Variants in CNTN6 observed in about 807,000 individuals in gnomAD.
The protein encoded by CNTN6 is contactin 6.
A neutral mutation model predicts 122.8 loss-of-function variants in CNTN6; 137 were observed. The ratio of observed to expected loss-of-function variants is 1.12; its 90% CI spans 0.97 to 1.29. The LOEUF is 1.29. CNTN6 is among the 50% of genes most tolerant of loss of function. The pLI is 0.00. For synonymous variants in CNTN6, 570 were observed against 426.0 expected, an observed-to-expected ratio of 1.34 and a Z score of -4.16; for missense variants, 1,634 against 1,223.4, an observed-to-expected ratio of 1.34 and a Z score of -5.01.
intron 2 of CNTN6, among the ~76,000 whole-genome samples, chr3:1,200,206 G>T (rs1476632367): frequency 6.6e-6 from 1 of 152,128 alleles, no homozygotes; most frequent in Non-Finnish European, 1.5e-5. Context: ...GCTAATTTTT[G>T]TACCGTTAGT....
intron 20 of CNTN6, among the ~76,000 whole-genome samples, chr3:1,386,128 C>G (rs572634866): frequency 6.6e-6 from 1 of 152,222 alleles, no homozygotes; most frequent in South Asian, 2.1e-4. Context: ...TGGTATTTAT[C>G]TTTGAGTCTC....
At chr3:1,376,946 T>G in intron 16 of CNTN6, 59 bp from the exon 17 acceptor site, 3 of 1,168,610 alleles carry the variant, frequency 2.6e-6, no homozygotes, top group Non-Finnish European at 2.5e-6. Context: ...AACAAAATTC[T>G]TCCTGATGAA....
Position 1,220,697 on chromosome 3 carries a change from T to C in CNTN6, c.66T>C (p.Leu22=), listed in dbSNP as rs748420596. 6.2e-7 allele frequency: 1 copy of C among 1,610,148 alleles called. No homozygotes were observed. The change falls in exon 3 of 23, where the codon CTT becomes CTC. Residue 22 remains leucine (L), a synonymous_variant. Transcript: ENST00000446702. The part of the protein sequence containing the change: ...PLINSSAGDG[L]LSRPIFTQEP... ...CTTTTCTTTTCCCAGGTGATGGTCTTTTAAGCCGTCCTATTTTTACTCAGG... is the reference window on the plus strand; with the variant it reads ...CTTTTCTTTTCCCAGGTGATGGTCTCTTAAGCCGTCCTATTTTTACTCAGG...
intron 11 of CNTN6, among the ~76,000 whole-genome samples, chr3:1,348,642 ACT>A (rs1211526109): frequency 1.3e-5 from 2 of 151,992 alleles, no homozygotes; most frequent in African/African-American, 4.8e-5. Context: ...GCTTTTAGTA[ACT>A]CTGCTATTAG....
intron 1 of CNTN6, among the ~76,000 whole-genome samples, chr3:1,119,485 T>G (rs2091870214): frequency 6.6e-6 from 1 of 151,938 alleles, no homozygotes; most frequent in South Asian, 2.1e-4. Context: ...CTGAGTTGTC[T>G]TATTGCCAGG....
chr3:1,397,062 T>A (rs1695074791), intron 20 of CNTN6, among the ~76,000 whole-genome samples: 1 of 152,174 alleles, frequency 6.6e-6, no homozygotes, highest in Non-Finnish European at 1.5e-5. Context: ...CTTTGTTTGT[T>A]TGTTTTCTCA....
intron 17 of CNTN6, among the ~76,000 whole-genome samples, chr3:1,382,634 T>A (rs1692071924): frequency 6.6e-6 from 1 of 152,192 alleles, no homozygotes; most frequent in African/African-American, 2.4e-5. Flanking sequence ...CACATTTGAG[T>A]GTGTATCATA....
chr3:1,173,186 C>A (rs993498028), intron 2 of CNTN6: 1 of 456,380 alleles, frequency 2.2e-6, no homozygotes, highest in Non-Finnish European at 4.4e-6. Context: ...AAGGATCACT[C>A]TATTTGTTTC....
intron 1 of CNTN6, among the ~76,000 whole-genome samples, chr3:1,107,607 G>C (rs373289794): frequency 1.6e-4 from 24 of 151,928 alleles, no homozygotes; most frequent in East Asian, 1.5e-3. Flanking sequence ...AATTTTCCAG[G>C]GTGACAAAAG....
intron 1 of CNTN6, among the ~76,000 whole-genome samples, chr3:1,099,413 T>G (rs192971369): frequency 6.6e-6 from 1 of 152,150 alleles, no homozygotes; most frequent in African/African-American, 2.4e-5. Flanking sequence ...ATTGAGCCAT[T>G]ACACTCCAGC....
At chr3:1,324,496 G>T (rs554317061) in intron 8 of CNTN6, among the ~76,000 whole-genome samples, 1 of 149,524 alleles carries the variant, frequency 6.7e-6, no homozygotes, top group Non-Finnish European at 1.5e-5. Flanking sequence ...TGGCTCCTTC[G>T]TGAGCCTACT....
intron 3 of CNTN6, among the ~76,000 whole-genome samples, chr3:1,224,013 G>A (rs1010997755): frequency 2.0e-5 from 3 of 152,182 alleles, no homozygotes; most frequent in Non-Finnish European, 4.4e-5. Flanking sequence ...GAACGTCAAA[G>A]CTAGGACTAG....
chr3:1,372,597 C>G lies in CNTN6; in HGVS notation c.1668+123C>G, dbSNP rs1342661232. Reference sequence around the variant, plus strand: ...GGATAATCACTGACTGTTTTTGAAGCTACATTTGTTTTTGTTTTGGTTTAT... The same window carrying G: ...GGATAATCACTGACTGTTTTTGAAGGTACATTTGTTTTTGTTTTGGTTTAT... On this transcript the variant is annotated intron_variant, in intron 13 of 22. Coordinates refer to ENST00000446702, the MANE Select transcript of CNTN6 (RefSeq NM_001289080.2). The G allele has an allele frequency of 5.6e-6, 5 of 886,984 alleles. No homozygotes were observed. The East Asian group carries it at 1.4e-4, about 24-fold the overall frequency. 54.9% of individuals were successfully genotyped at this position (886,984 alleles called of 1,614,324 possible).
At chr3:1,112,148 A>G (rs1044720116) in intron 1 of CNTN6, among the ~76,000 whole-genome samples, 9 of 152,148 alleles carry the variant, frequency 5.9e-5, no homozygotes, top group Admixed American at 2.6e-4. Context: ...ATCAAACCTC[A>G]TTAACCACCT....
At chr3:1,320,356 A>T (rs1385731496) in intron 7 of CNTN6, among the ~76,000 whole-genome samples, 2 of 151,560 alleles carry the variant, frequency 1.3e-5, no homozygotes, top group African/African-American at 2.4e-5. Flanking sequence ...GAGGATAATA[A>T]TTTTTTCCAA....
At chr3:1,357,268 A>G (rs1378956369) in intron 12 of CNTN6, among the ~76,000 whole-genome samples, 2 of 152,006 alleles carry the variant, frequency 1.3e-5, no homozygotes, top group East Asian at 1.9e-4. Flanking sequence ...AGGAGACCAG[A>G]CACAGAAGAG....
chr3:1,211,702 G>A lies in CNTN6; in HGVS notation c.56-8985G>A, dbSNP rs953159985. 2.6e-5 allele frequency among the ~76,000 whole-genome samples: 4 copies of A among 151,826 alleles called. No individual in the cohort carries two copies. The East Asian group carries it at 7.7e-4, about 29-fold the overall frequency. On this transcript the variant is annotated intron_variant, in intron 2 of 22. Transcript: ENST00000446702. ...AATTTCTGCCTTTGTGTAGACTGGT[G>A]TTCTCTACCTCCTCATGAGTTTTAT...
chr3:1,344,880 C>T (rs1704431799), intron 11 of CNTN6, among the ~76,000 whole-genome samples: 1 of 152,140 alleles, frequency 6.6e-6, no homozygotes, highest in Non-Finnish European at 1.5e-5. Flanking sequence ...ATCTACGTTA[C>T]TTGGTACAGT....
At chr3:1,105,809 G>A (rs1227032023) in intron 1 of CNTN6, among the ~76,000 whole-genome samples, 1 of 152,102 alleles carries the variant, frequency 6.6e-6, no homozygotes, top group African/African-American at 2.4e-5. Flanking sequence ...ATCATTAAGT[G>A]CCTGCTTAAT....
Sources: allele counts gnomAD v4.1 joint callset (sites outside exome capture counted in the v4.1 genomes callset), GRCh38; gene constraint gnomAD v4.1.1; transcripts MANE v1.5; gene names NCBI Gene and HGNC (gene_info 2026-07-23, HGNC 2026-07-21).